TBC1D13: variants seen among roughly 807,000 people sequenced by gnomAD.
TBC1D13 encodes TBC1 domain family member 13.
Under a neutral mutation model 53.6 loss-of-function variants are expected in TBC1D13, and 40 were observed. That is an observed-to-expected ratio of 0.75 (90% CI 0.58 to 0.97). The LOEUF is 0.97. TBC1D13 is among the 50% of genes least tolerant of loss of function. TBC1D13 has a pLI of 0.00. For missense variants in TBC1D13, 377 were observed against 499.4 expected (o/e 0.75, Z 2.34); for synonymous variants, 182 against 197.7 (o/e 0.92, Z 0.67).
chr9:128,808,758 G>A lies in TBC1D13; in HGVS notation c.*879G>A, dbSNP rs1333868374. On this transcript the variant is annotated 3_prime_UTR_variant, in exon 12 of 12. Coordinates refer to ENST00000372648, the MANE Select transcript of TBC1D13 (RefSeq NM_018201.5). ...TCCCATCCCCCAGCCCTGGCTCCTA[G>A]GTCCTCCCAACTGGGAGGGAGTCCT... The A allele has an allele frequency of 6.6e-6, 1 of 152,296 alleles. No homozygotes were observed. Among genetic ancestry groups the A allele is most frequent in the Admixed American group, 6.6e-5 (1 of 15,252 alleles). 9.4% of individuals were successfully genotyped at this position (152,296 alleles called of 1,614,324 possible).
At chr9:128,805,730 A>G in intron 9 of TBC1D13, 129 bp from the exon 10 acceptor site, 1 of 1,063,302 alleles carries the variant, frequency 9.4e-7, no homozygotes, top group South Asian at 1.6e-5. Context: ...GCCTGGTGCC[A>G]GCCCTGGTGC....
rs1243854789 is a variant in TBC1D13, at chr9:128,797,037, C to T, written c.384-18C>T. On this transcript the variant is annotated intron_variant, in intron 6 of 11. Coordinates refer to ENST00000372648, the MANE Select transcript of TBC1D13 (RefSeq NM_018201.5). ...TCCACCTTGAGTAACAAGATTATTT[C>T]CTGTTCCCTCTTGACAGGAGGTTGT... The T allele has an allele frequency of 1.9e-6, 3 of 1,613,552 alleles. No homozygotes were observed. Among genetic ancestry groups the T allele is most frequent in the South Asian group, 1.1e-5 (1 of 91,036 alleles).
chr9:128,804,288 C>G (rs1829788636), intron 9 of TBC1D13, among the ~76,000 whole-genome samples, 169 bp downstream of exon 9: 1 of 152,132 alleles, frequency 6.6e-6, no homozygotes, highest in African/African-American at 2.4e-5. Context: ...TGGAGCCCAG[C>G]TGGGAGGGAA....
chr9:128,807,727 A>T (rs1392144574), intron 11 of TBC1D13, 87 bp from the exon 12 acceptor site: 1 of 1,411,478 alleles, frequency 7.1e-7, no homozygotes, highest in Admixed American at 1.7e-5. Context: ...AGGATCCAGC[A>T]TGGCAACGGG....
At chr9:128,805,408 G>T (rs1049981497) in intron 9 of TBC1D13, among the ~76,000 whole-genome samples, 2 of 152,186 alleles carry the variant, frequency 1.3e-5, no homozygotes, top group Admixed American at 1.3e-4. Flanking sequence ...TGACCAGAAG[G>T]CTTGTCTCTA....
rs1473581043 is a variant in TBC1D13, at chr9:128,809,089, G to A, written c.*1210G>A. 6.6e-6 allele frequency: 1 copy of A among 152,316 alleles called. No individual in the cohort carries two copies. Among genetic ancestry groups the A allele is most frequent in the Non-Finnish European group, 1.5e-5 (1 of 68,140 alleles). The allele number at this position is 152,316 out of a possible 1,614,324, so 9.4% of individuals were successfully genotyped here. On this transcript the variant is annotated 3_prime_UTR_variant, in exon 12 of 12. Transcript: ENST00000372648. The stretch of plus-strand genomic sequence containing the variant: ...GTCCCACAAAGGGCAAGTGGGGCCC[G>A]AGGAAGCCTCTCTGGGGCCAGGGGT...
At position 128,808,727 on chromosome 9, in the gene TBC1D13, T is replaced by G. The variant is rs1286548631; in HGVS notation, c.*848T>G. ...CTGGAGGTCAAGCTTGGCCTTTGCC[T>G]CCTGTTCCCATCCCCCAGCCCTGGC... On this transcript the variant is annotated 3_prime_UTR_variant, in exon 12 of 12. Coordinates refer to ENST00000372648, the MANE Select transcript of TBC1D13 (RefSeq NM_018201.5). 1 of 152,374 alleles carries G rather than the reference T, an allele frequency of 6.6e-6. No individual in the cohort carries two copies. The highest frequency in any genetic ancestry group is 2.4e-5 in the African/African-American group (1 of 41,406). 9.4% of individuals were successfully genotyped at this position (152,374 alleles called of 1,614,324 possible).
At chr9:128,796,313 G>A (rs539477874) in intron 6 of TBC1D13, among the ~76,000 whole-genome samples, 97 of 151,972 alleles carry the variant, frequency 6.4e-4, no homozygotes, top group African/African-American at 2.0e-3. Flanking sequence ...GCAATGGCAC[G>A]ATCTCGGCTC....
intron 7 of TBC1D13, among the ~76,000 whole-genome samples, chr9:128,800,459 C>G (rs1194795292): frequency 6.8e-6 from 1 of 146,180 alleles, no homozygotes; most frequent in Non-Finnish European, 1.5e-5. Flanking sequence ...CAACCTCTGC[C>G]TCCTGGATTC....
intron 11 of TBC1D13, among the ~76,000 whole-genome samples, chr9:128,807,501 T>A (rs912747242): frequency 1.3e-5 from 2 of 152,226 alleles, no homozygotes; most frequent in Admixed American, 1.3e-4. Context: ...GGCCCAGTCC[T>A]ACTGGCTCCA....
intron 3 of TBC1D13, 87 bp downstream of exon 3, chr9:128,790,862 C>T: frequency 7.3e-7 from 1 of 1,373,824 alleles, no homozygotes; most frequent in East Asian, 2.5e-5. Flanking sequence ...GCTTCTTCCT[C>T]CTGTTCTGCA....
At chr9:128,798,846 C>G (rs780467712) in intron 7 of TBC1D13, among the ~76,000 whole-genome samples, 1 of 152,192 alleles carries the variant, frequency 6.6e-6, no homozygotes, top group Non-Finnish European at 1.5e-5. Context: ...TTTTCTCCCC[C>G]TGGGGAATGA....
At chr9:128,791,238 C>G in intron 3 of TBC1D13, 142 bp from the exon 4 acceptor site, 1 of 792,020 alleles carries the variant, frequency 1.3e-6, no homozygotes, top group Middle Eastern at 2.3e-4. Context: ...ACCCCTAGCT[C>G]ATGCTGGCAT....
chr9:128,807,667 G>A (rs1237336569), intron 11 of TBC1D13, 147 bp from the exon 12 acceptor site: 2 of 787,692 alleles, frequency 2.5e-6, no homozygotes, highest in East Asian at 2.5e-5. Flanking sequence ...GGGTCTGGGG[G>A]TTGGGGAGTG....
At chr9:128,797,581 T>G (rs977311784) in intron 7 of TBC1D13, among the ~76,000 whole-genome samples, 10 of 152,006 alleles carry the variant, frequency 6.6e-5, no homozygotes, top group Admixed American at 1.3e-4. Flanking sequence ...GGCAGGAGGA[T>G]TGCTTGAGCC....
Position 128,790,780 on chromosome 9 carries a change from G to A in TBC1D13, c.138+5G>A. ...CTGCGGTGCCTCTGCTGGAAGGTGG[G>A]TGTGCCTGGGGTGGGGCTTCTGCTC... is the stretch of plus-strand genomic sequence containing the variant. On this transcript the variant is annotated splice_donor_5th_base_variant and intron_variant, in intron 3 of 11. Transcript: ENST00000372648. The A allele has an allele frequency of 6.4e-7, 1 of 1,559,414 alleles. No individual in the cohort carries two copies.
intron 9 of TBC1D13, 49 bp from the exon 10 acceptor site, chr9:128,805,810 G>A (rs758222184): frequency 3.9e-5 from 62 of 1,586,280 alleles, no homozygotes; most frequent in Non-Finnish European, 4.7e-5. Context: ...CTCCATGGCC[G>A]GCAGCCAACA....
intron 2 of TBC1D13, among the ~76,000 whole-genome samples, chr9:128,789,006 T>C (rs1241132037): frequency 6.6e-6 from 1 of 152,200 alleles, no homozygotes; most frequent in Non-Finnish European, 1.5e-5. Context: ...CTTGTCACTT[T>C]TTTGCCCTTG....
chr9:128,799,469 G>A lies in TBC1D13; in HGVS notation c.543+2255G>A, dbSNP rs79740896. On this transcript the variant is annotated intron_variant, in intron 7 of 11. Transcript: ENST00000372648. Reference sequence around the variant, plus strand: ...GCCAAGAGGATGAAATGAGGTCATGGCTGTGCAGATTCTTCAAAAGCAGAA... The same window carrying A: ...GCCAAGAGGATGAAATGAGGTCATGACTGTGCAGATTCTTCAAAAGCAGAA... Among the ~76,000 whole-genome samples the A allele has an allele frequency of 1.5e-3, 221 of 152,264 alleles. 1 individual carries two copies. Among genetic ancestry groups the A allele is most frequent in the African/African-American group, 5.2e-3 (214 of 41,550 alleles).
Sources: allele counts gnomAD v4.1 joint callset (sites outside exome capture counted in the v4.1 genomes callset), GRCh38; gene constraint gnomAD v4.1.1; transcripts MANE v1.5; gene names NCBI Gene and HGNC (gene_info 2026-07-23, HGNC 2026-07-21).